Variants in PILRB observed in about 807,000 individuals in gnomAD.
The protein encoded by PILRB is paired immunoglobulin-like type 2 receptor beta.
Under a neutral mutation model 20.5 loss-of-function variants are expected in PILRB, and 21 were observed. The ratio of observed to expected loss-of-function variants is 1.02; its 90% CI spans 0.72 to 1.47. The LOEUF is 1.47. Among genes scored for constraint, PILRB ranks in the 40% most tolerant of loss-of-function variants. PILRB has a pLI of 0.00. For missense variants in PILRB, 253 were observed against 272.1 expected (o/e 0.93, Z 0.49); for synonymous variants, 133 against 115.1 (o/e 1.16, Z -0.99).
Position 100,363,008 on chromosome 7 carries a change from GT to G in PILRB, c.655+3472del, listed in dbSNP as rs529165254. Among the ~76,000 whole-genome samples, 155 of 151,932 alleles carry G rather than the reference GT, an allele frequency of 1.0e-3. 1 individual carries two copies. Among genetic ancestry groups the G allele is most frequent in the Non-Finnish European group, 1.8e-3 (120 of 67,948 alleles). ...ACTTCTATTCAACACAGGATTTGAA[GT>G]CAGGCTGGTCACAGTGGCTCACACC... On this transcript the variant is annotated intron_variant, in intron 3 of 3. Coordinates refer to ENST00000609309, the MANE Select transcript of PILRB (RefSeq NM_178238.4).
At chr7:100,360,884 T>C (rs1277033013) in intron 3 of PILRB, among the ~76,000 whole-genome samples, 1 of 152,160 alleles carries the variant, frequency 6.6e-6, no homozygotes, top group Admixed American at 6.5e-5. Flanking sequence ...GAGGAGACTA[T>C]GTTTGGAGGG....
At chr7:100,367,301 T>A (rs775186664) in intron 3 of PILRB, 48 bp from the exon 4 acceptor site, 1 of 780,194 alleles carries the variant, frequency 1.3e-6, no homozygotes, top group East Asian at 2.4e-5. Context: ...CTCGCCTGCC[T>A]CACTAATAAT....
rs138204628 is a variant in PILRB at position 100,364,225 on chromosome 7, G to A, written c.656-3124G>A. Among the ~76,000 whole-genome samples the A allele has an allele frequency of 1.1e-3, 161 of 152,224 alleles. 1 individual carries two copies. The highest frequency in any genetic ancestry group is 3.5e-3 in the African/African-American group (146 of 41,548). Reference sequence around the variant, plus strand: ...AAGGGTGCCAAGATGACCACTCGACGAAGAATAGTTTCTTCAACAAATGGT... The same window carrying A: ...AAGGGTGCCAAGATGACCACTCGACAAAGAATAGTTTCTTCAACAAATGGT... On this transcript the variant is annotated intron_variant, in intron 3 of 3. Transcript: ENST00000609309.
Position 100,358,840 on chromosome 7 carries a change from G to A in PILRB, c.215G>A (p.Arg72Lys), listed in dbSNP as rs1790442606. The A allele has an allele frequency of 6.2e-7, 1 of 1,614,126 alleles. No individual in the cohort carries two copies. Among genetic ancestry groups the A allele is most frequent in the Admixed American group, 1.7e-5 (1 of 60,010 alleles). ...AIVPNVRISW[R>K]RGHFHGQSFY... Reference sequence around the variant, plus strand: ...GTTCCCAACGTGAGAATATCCTGGAGACGGGGCCACTTCCACGGGCAGTCC... The same window carrying A: ...GTTCCCAACGTGAGAATATCCTGGAAACGGGGCCACTTCCACGGGCAGTCC... Residue 72 changes from arginine (R) to lysine (K), a missense_variant, in exon 2 of 4, where the codon AGA (arginine) becomes AAA (lysine). Coordinates refer to ENST00000609309, the MANE Select transcript of PILRB (RefSeq NM_178238.4).
chr7:100,365,080 A>G (rs1158325123), intron 3 of PILRB, among the ~76,000 whole-genome samples: 3 of 152,110 alleles, frequency 2.0e-5, no homozygotes. Context: ...GTTCACTGCA[A>G]CCTCCGCCTC....
At chr7:100,364,846 G>A (rs914334277) in intron 3 of PILRB, among the ~76,000 whole-genome samples, 4 of 152,036 alleles carry the variant, frequency 2.6e-5, no homozygotes, top group African/African-American at 7.3e-5. Context: ...CAAGCTACTC[G>A]GGAAGCTGAG....
At position 100,367,551 on chromosome 7, in the gene PILRB, C is replaced by T. The variant is rs962469964; in HGVS notation, c.*174C>T. Reference sequence around the variant, plus strand: ...GGAGGCTGGGTCCCTGAATCACCGACTGGAGGAGAGTTACCTACAAGAGCC... The same window carrying T: ...GGAGGCTGGGTCCCTGAATCACCGATTGGAGGAGAGTTACCTACAAGAGCC... On this transcript the variant is annotated 3_prime_UTR_variant, in exon 4 of 4. Coordinates refer to ENST00000609309, the MANE Select transcript of PILRB (RefSeq NM_178238.4). 1.9e-5 allele frequency: 12 copies of T among 620,134 alleles called. No individual in the cohort carries two copies. The highest frequency in any genetic ancestry group is 1.7e-4 in the African/African-American group (9 of 54,414). The allele number at this position is 620,134 out of a possible 1,614,324, so 38.4% of individuals were successfully genotyped here. A position where few individuals can be genotyped will look rare whatever the true frequency, so the allele number is the denominator to read the frequency against.
rs749428088 is a variant in PILRB at position 100,358,770 on chromosome 7, G to T, written c.145G>T (p.Val49Leu). The T allele has an allele frequency of 5.0e-6, 8 of 1,613,960 alleles. No individual in the cohort carries two copies. In the Admixed American group the frequency reaches 1.3e-4, roughly 27 times the overall value. Residue 49 changes from valine to leucine, a missense_variant, in exon 2 of 4, where the codon GTG becomes TTG. Physicochemically the swap from Val to Leu is conservative, Grantham distance 32. Coordinates refer to ENST00000609309, the MANE Select transcript of PILRB (RefSeq NM_178238.4). ...CCTCTCAGCCTCCATGGGTGGCTCT[G>T]TGGAAATCCCCTTCTCCTTCTATTA... is the stretch of plus-strand genomic sequence containing the variant. The part of the protein sequence containing the change: ...KHLSASMGGS[V>L]EIPFSFYYPW...
chr7:100,367,542 A>C lies in PILRB; in HGVS notation c.*165A>C, dbSNP rs1006821481. On this transcript the variant is annotated 3_prime_UTR_variant, in exon 4 of 4. Coordinates refer to ENST00000609309, the MANE Select transcript of PILRB (RefSeq NM_178238.4). ...AAGGCAGAAGGAGGCTGGGTCCCTG[A>C]ATCACCGACTGGAGGAGAGTTACCT... is the stretch of plus-strand genomic sequence containing the variant. 1.3e-4 allele frequency: 81 copies of C among 628,600 alleles called. No individual in the cohort carries two copies. The highest frequency in any genetic ancestry group is 2.6e-5 in the Non-Finnish European group (9 of 341,498). 38.9% of individuals were successfully genotyped at this position (628,600 alleles called of 1,614,324 possible).
intron 3 of PILRB, among the ~76,000 whole-genome samples, chr7:100,363,072 T>A (rs547719351): frequency 6.0e-5 from 9 of 149,178 alleles, no homozygotes; most frequent in Non-Finnish European, 1.2e-4. Flanking sequence ...GGCAGGTGGA[T>A]TACATGAGGC....
chr7:100,362,107 A>G (rs997653969), intron 3 of PILRB, among the ~76,000 whole-genome samples: 1 of 152,150 alleles, frequency 6.6e-6, no homozygotes, highest in Non-Finnish European at 1.5e-5. Context: ...AGAATCTGCA[A>G]AATAGTAGAT....
chr7:100,362,884 T>C (rs1790569587), intron 3 of PILRB, among the ~76,000 whole-genome samples: 1 of 152,078 alleles, frequency 6.6e-6, no homozygotes, highest in Non-Finnish European at 1.5e-5. Context: ...AGGCCAGTCA[T>C]GCAAGGCCCA....
Position 100,358,136 on chromosome 7 carries a change from C to G in PILRB, c.-167C>G, listed in dbSNP as rs1271923724. 4 of 708,480 alleles carry G rather than the reference C, an allele frequency of 5.6e-6. No homozygotes were observed. Among genetic ancestry groups the G allele is most frequent in the Non-Finnish European group, 9.8e-6 (4 of 407,386 alleles). 43.9% of individuals were successfully genotyped at this position (708,480 alleles called of 1,614,324 possible). On this transcript the variant is annotated 5_prime_UTR_variant, in exon 1 of 4. Transcript: ENST00000609309. Reference sequence around the variant, plus strand: ...ATGGATAAAGGAAGTGCTGGTCACCCTGGAGGTGTACTGGTTTGGGGAAGG... The same window carrying G: ...ATGGATAAAGGAAGTGCTGGTCACCGTGGAGGTGTACTGGTTTGGGGAAGG...
chr7:100,360,901 T>C (rs1323107848), intron 3 of PILRB, among the ~76,000 whole-genome samples: 1 of 152,096 alleles, frequency 6.6e-6, no homozygotes, highest in Non-Finnish European at 1.5e-5. Context: ...AGGGGAGCGA[T>C]GCCTCGTTTA....
chr7:100,367,266 TA>T lies in PILRB; in HGVS notation c.656-80del. On this transcript the variant is annotated intron_variant, in intron 3 of 3. Coordinates refer to ENST00000609309, the MANE Select transcript of PILRB (RefSeq NM_178238.4). Reference sequence around the variant, plus strand: ...TCCTGAGTTTTTGCCACCTCCCACTTAAATCTGATCTCTGAAGCAACTGCCT... The same window carrying T: ...TCCTGAGTTTTTGCCACCTCCCACTTAATCTGATCTCTGAAGCAACTGCCT... The T allele has an allele frequency of 3.9e-6, 3 of 778,752 alleles. No individual in the cohort carries two copies. In the South Asian group the frequency reaches 4.0e-5, roughly 10 times the overall value. 48.2% of individuals were successfully genotyped at this position (778,752 alleles called of 1,614,324 possible). A position where few individuals can be genotyped will look rare whatever the true frequency, so the allele number is the denominator to read the frequency against.
intron 3 of PILRB, among the ~76,000 whole-genome samples, chr7:100,362,540 G>A (rs1415893031): frequency 9.3e-5 from 14 of 151,114 alleles, no homozygotes; most frequent in African/African-American, 2.7e-4. Flanking sequence ...ATGGAGCCTC[G>A]CTCTGTTGCC....
At position 100,359,512 on chromosome 7, in the gene PILRB, C is replaced by CCT. The variant is rs1790468014; in HGVS notation, c.632_633dup (p.Leu212SerfsTer29). On this transcript the variant is annotated frameshift_variant, in exon 3 of 4. Transcript: ENST00000609309. LOFTEE classifies it high-confidence loss of function. ...TCATTTTGGGACTGCTGTGCCTCCT[C>CCT]CTCCTGTGGTGGAGGAGAAGGAAAG... 3.1e-6 allele frequency: 5 copies of CCT among 1,613,926 alleles called. No homozygotes were observed. The highest frequency in any genetic ancestry group is 3.4e-6 in the Non-Finnish European group (4 of 1,179,910).
At chr7:100,364,311 CTCAAAA>C (rs1420001458) in intron 3 of PILRB, among the ~76,000 whole-genome samples, 1 of 152,104 alleles carries the variant, frequency 6.6e-6, no homozygotes, top group Non-Finnish European at 1.5e-5. Flanking sequence ...AAAAAATTAA[CTCAAAA>C]TGGATTAAAG....
chr7:100,358,455 G>A, intron 1 of PILRB, 89 bp downstream of exon 1: 1 of 1,498,498 alleles, frequency 6.7e-7, no homozygotes, highest in Non-Finnish European at 9.1e-7. Flanking sequence ...TGGGGCAGGG[G>A]CCAGGCTCCC....
Sources: allele counts gnomAD v4.1 joint callset (sites outside exome capture counted in the v4.1 genomes callset), GRCh38; gene constraint gnomAD v4.1.1; transcripts MANE v1.5; gene names NCBI Gene and HGNC (gene_info 2026-07-23, HGNC 2026-07-21).